TSPEAR: variants seen among roughly 807,000 people sequenced by gnomAD.
TSPEAR encodes the protein thrombospondin-type laminin G domain and EAR repeat-containing protein.
Under a neutral mutation model 71.6 loss-of-function variants are expected in TSPEAR, and 69 were observed. The observed-to-expected ratio is 0.96, with a 90% CI of 0.79 to 1.18. TSPEAR has a LOEUF of 1.18. TSPEAR is among the 50% of genes most tolerant of loss of function. The pLI, the probability that TSPEAR is intolerant of heterozygous loss-of-function variation, is 0.00. For synonymous variants in TSPEAR, 402 were observed against 387.2 expected (o/e 1.04, Z -0.45); for missense variants, 971 against 894.9 (o/e 1.09, Z -1.09).
At chr21:44,543,155 T>C (rs781908700) in intron 2 of TSPEAR, among the ~76,000 whole-genome samples, 1 of 149,780 alleles carries the variant, frequency 6.7e-6, no homozygotes, top group Admixed American at 6.7e-5. Context: ...TTAGGTAGAA[T>C]GAAAACAAGC....
chr21:44,567,167 C>A (rs2053714170), intron 2 of TSPEAR, among the ~76,000 whole-genome samples: 1 of 152,096 alleles, frequency 6.6e-6, no homozygotes, highest in Non-Finnish European at 1.5e-5. Flanking sequence ...GCAATAAGTC[C>A]ATTAATCCAC....
Position 44,529,920 on chromosome 21 carries a change from G to A in TSPEAR, c.668C>T (p.Ser223Leu), listed in dbSNP as rs149481227. Reference sequence around the variant, plus strand: ...GGGACACAGCCTTGGGGTGGCGTCTGAGCCCGGCAGCAGGACCAGTTGCCT... The same window carrying A: ...GGGACACAGCCTTGGGGTGGCGTCTAAGCCCGGCAGCAGGACCAGTTGCCT... ...LVRQLVLLPG[S>L]DATPRLCPSR... The change falls in exon 5 of 12, where the codon TCA becomes TTA. Residue 223 changes from serine to leucine, a missense_variant. Physicochemically the swap from Ser to Leu is moderately radical, Grantham distance 145. Transcript: ENST00000323084. The A allele has an allele frequency of 6.7e-4, 1,082 of 1,609,514 alleles. 7 individuals are homozygous for A. In the Middle Eastern group the frequency reaches 0.023, roughly 34 times the overall value.
rs782596331 is a variant in TSPEAR at position 44,522,128 on chromosome 21, T to C, written c.1337-16A>G. The C allele has an allele frequency of 5.6e-6, 9 of 1,611,652 alleles. 1 individual carries two copies. The Admixed American group carries it at 1.5e-4, about 27-fold the overall frequency. Reference sequence around the variant, plus strand: ...TGGTTGTCGCCTGGAACCAAGGGACTGTGCTGGGGGCAGGGAGGCAGATTC... The same window carrying C: ...TGGTTGTCGCCTGGAACCAAGGGACCGTGCTGGGGGCAGGGAGGCAGATTC... On this transcript the variant is annotated splice_polypyrimidine_tract_variant and intron_variant, in intron 8 of 11. Transcript: ENST00000323084.
At chr21:44,588,747 T>TTA (rs36029706) in intron 1 of TSPEAR, among the ~76,000 whole-genome samples, 127,191 of 146,166 alleles carry the variant, frequency 0.87, 55,378 homozygotes, top group Middle Eastern at 0.9. Context: ...TATATATATG[T>TTA]TATATATATG....
intron 2 of TSPEAR, among the ~76,000 whole-genome samples, chr21:44,560,380 T>C (rs2146055238): frequency 6.6e-6 from 1 of 152,262 alleles, no homozygotes; most frequent in South Asian, 2.1e-4. Flanking sequence ...CACACAATAA[T>C]AGTGGGAAAC....
intron 9 of TSPEAR, chr21:44,515,457 TCCTGCTCTAGCC>T (rs1406630907): frequency 1.3e-5 from 2 of 152,416 alleles, no homozygotes; most frequent in African/African-American, 4.8e-5. Context: ...TCTGCTGTGG[TCCTGCTCTAGCC>T]CCTGCTCTTC....
chr21:44,579,643 G>C lies in TSPEAR; in HGVS notation c.83-11638C>G. Reference sequence around the variant, plus strand: ...GATTCCTGGGAGTATGGAGGGGGGGGTCACCTCAGCACATGGGGGCCCCGT... The same window carrying C: ...GATTCCTGGGAGTATGGAGGGGGGGCTCACCTCAGCACATGGGGGCCCCGT... On this transcript the variant is annotated intron_variant, in intron 1 of 11. Transcript: ENST00000323084. The C allele has an allele frequency of 4.0e-6, 5 of 1,247,258 alleles. No homozygotes were observed. In the South Asian group the frequency reaches 4.3e-5, roughly 11 times the overall value. 77.3% of individuals were successfully genotyped at this position (1,247,258 alleles called of 1,614,324 possible). A position where few individuals can be genotyped will look rare whatever the true frequency, so the allele number is the denominator to read the frequency against.
At chr21:44,708,719 C>T (rs1167976466) in intron 1 of TSPEAR, among the ~76,000 whole-genome samples, 5 of 152,024 alleles carry the variant, frequency 3.3e-5, no homozygotes, top group African/African-American at 4.8e-5. Context: ...CCTGCAGTCC[C>T]CTCCCCGAAT....
chr21:44,589,787 T>G (rs1334036999), intron 1 of TSPEAR, among the ~76,000 whole-genome samples: 1 of 152,180 alleles, frequency 6.6e-6, no homozygotes, highest in Non-Finnish European at 1.5e-5. Flanking sequence ...TCCACCTGGC[T>G]CTCTGTTCTG....
chr21:44,592,643 C>G lies in TSPEAR; in HGVS notation c.83-24638G>C, dbSNP rs418260. 4.4e-5 allele frequency: 51 copies of G among 1,163,996 alleles called. No individual in the cohort carries two copies. The African/African-American group carries it at 7.1e-4, about 16-fold the overall frequency. 72.1% of individuals were successfully genotyped at this position (1,163,996 alleles called of 1,614,324 possible). On this transcript the variant is annotated intron_variant, in intron 1 of 11. Coordinates refer to ENST00000323084, the MANE Select transcript of TSPEAR (RefSeq NM_144991.3). ...CCGGGATTAGGGGTGTTTGTTCGCC[C>G]GTGATGTGGGCCAGCTCATAAATCT...
At position 44,623,396 on chromosome 21, in the gene TSPEAR, G is replaced by A. The variant is rs1982571871; in HGVS notation, c.83-55391C>T. On this transcript the variant is annotated intron_variant, in intron 1 of 11. Transcript: ENST00000323084. The surrounding 1 kb of genome is among the most constrained non-coding windows in gnomAD (Gnocchi z 4.5). ...ACTAAGACTGCTTTAACTTCATGTA[G>A]CCCCCTCCTGAATTTTGTGATCTTC... Among the ~76,000 whole-genome samples the A allele has an allele frequency of 6.6e-6, 1 of 152,042 alleles. No homozygotes were observed.
intron 1 of TSPEAR, among the ~76,000 whole-genome samples, 172 bp from the exon 2 acceptor site, chr21:44,568,177 C>A (rs1041779300): frequency 3.3e-5 from 5 of 152,218 alleles, no homozygotes; most frequent in African/African-American, 1.2e-4. Context: ...AACAGAGGCA[C>A]CATGAGGTGT....
chr21:44,641,279 C>A (rs1984005449), intron 1 of TSPEAR, among the ~76,000 whole-genome samples: 1 of 152,176 alleles, frequency 6.6e-6, no homozygotes, highest in Admixed American at 6.5e-5. Flanking sequence ...GAAACAAGAA[C>A]AGGGTGCTAC....
chr21:44,626,390 A>T (rs1472352872), intron 1 of TSPEAR, among the ~76,000 whole-genome samples: 1 of 152,196 alleles, frequency 6.6e-6, no homozygotes, highest in African/African-American at 2.4e-5. Flanking sequence ...TGAGAAAAAG[A>T]TGCTTGCAGT....
At chr21:44,597,432 C>CTTTCTTTTTTTTTTT (rs1980437877) in intron 1 of TSPEAR, among the ~76,000 whole-genome samples, 4 of 130,616 alleles carry the variant, frequency 3.1e-5, no homozygotes, top group African/African-American at 1.3e-4. Flanking sequence ...TTCTTTCTTT[C>CTTTCTTTTTTTTTTT]TTTTCTTTTT....
At chr21:44,677,519 A>G (rs1569253923) in intron 1 of TSPEAR, 18 of 820,472 alleles carry the variant, frequency 2.2e-5, no homozygotes, top group Non-Finnish European at 2.3e-5. Flanking sequence ...GGCAAGCTGC[A>G]ATTTCTTCAC....
intron 1 of TSPEAR, among the ~76,000 whole-genome samples, chr21:44,632,637 C>T (rs926081286): frequency 6.6e-6 from 1 of 152,082 alleles, no homozygotes; most frequent in Non-Finnish European, 1.5e-5. Flanking sequence ...GGTTTGAGAC[C>T]AGCCTGGCCA....
chr21:44,692,468 T>G (rs1555949860), intron 1 of TSPEAR, among the ~76,000 whole-genome samples: 1 of 151,992 alleles, frequency 6.6e-6, no homozygotes, highest in African/African-American at 2.4e-5. Context: ...TCCCAAAGAA[T>G]CCACAAGAAA....
At chr21:44,525,991 C>T in intron 7 of TSPEAR, 152 bp from the exon 8 acceptor site, 5 of 691,790 alleles carry the variant, frequency 7.2e-6, no homozygotes, top group Non-Finnish European at 1.2e-5. Context: ...CATTACAGGT[C>T]ATCATGGTGG....
Sources: allele counts gnomAD v4.1 joint callset (sites outside exome capture counted in the v4.1 genomes callset), GRCh38; gene constraint gnomAD v4.1.1; non-coding constraint Gnocchi (gnomAD v3.1); transcripts MANE v1.5; gene names NCBI Gene and HGNC (gene_info 2026-07-23, HGNC 2026-07-21).